NR3C2: variants seen among roughly 807,000 people sequenced by gnomAD.
NR3C2 encodes nuclear receptor subfamily 3 group C member 2, also known as mineralocorticoid receptor.
In NR3C2, 15 loss-of-function variants were observed where a neutral mutation model predicts 86.4. That is an observed-to-expected ratio of 0.17 (90% CI 0.12 to 0.27). The LOEUF (loss-of-function observed/expected upper bound fraction) is 0.27, where lower values mean the gene tolerates loss of function less well. Ranked by LOEUF, NR3C2 falls within the 10% of genes least tolerant of loss-of-function variation. The pLI is 1.00. For missense variants in NR3C2, 960 were observed against 1,195.6 expected, an observed-to-expected ratio of 0.80 and a Z score of 2.91; for synonymous variants, 458 against 450.5, an observed-to-expected ratio of 1.02 and a Z score of -0.21.
chr4:148,158,249 G>A (rs1734493621), intron 4 of NR3C2, among the ~76,000 whole-genome samples: 1 of 152,094 alleles, frequency 6.6e-6, no homozygotes, highest in Admixed American at 6.6e-5. Context: ...TCAAAAACTA[G>A]ACAAAACAGA....
At chr4:148,205,854 C>A (rs891094095) in intron 3 of NR3C2, among the ~76,000 whole-genome samples, 5 of 152,102 alleles carry the variant, frequency 3.3e-5, no homozygotes, top group Non-Finnish European at 7.4e-5. Flanking sequence ...ATTAGAAAGT[C>A]TTCCTACCCA....
rs1300973826 is a variant in NR3C2 at position 148,078,941 on chromosome 4, T to C, written c.*2403A>G. On this transcript the variant is annotated 3_prime_UTR_variant, in exon 9 of 9. Transcript: ENST00000358102. ...ACCAAGATTTTTAAGAGCAATATGG[T>C]ACAAAAATAAGAGCAGACAGACAAT... 1 of 152,612 alleles carries C rather than the reference T, an allele frequency of 6.6e-6. No individual in the cohort carries two copies. Among genetic ancestry groups the C allele is most frequent in the Non-Finnish European group, 1.5e-5 (1 of 68,036 alleles). The allele number at this position is 152,612 out of a possible 1,614,324, so 9.5% of individuals were successfully genotyped here.
chr4:148,270,999 C>T (rs1740652540), intron 2 of NR3C2, among the ~76,000 whole-genome samples: 2 of 152,158 alleles, frequency 1.3e-5, no homozygotes, highest in Admixed American at 1.3e-4. Context: ...TATAGGATAG[C>T]ATTTCCAATT....
intron 8 of NR3C2, among the ~76,000 whole-genome samples, chr4:148,113,522 A>T (rs1732136116): frequency 6.6e-6 from 1 of 152,206 alleles, no homozygotes; most frequent in African/African-American, 2.4e-5. Context: ...TTTGAAAAAA[A>T]AAAAATTCCT....
Position 148,081,023 on chromosome 4 carries a change from A to ATAGT in NR3C2, c.*317_*320dup, listed in dbSNP as rs1730528910. 2 of 392,656 alleles carry ATAGT rather than the reference A, an allele frequency of 5.1e-6. No homozygotes were observed. Among genetic ancestry groups the ATAGT allele is most frequent in the Admixed American group, 7.3e-5 (2 of 27,374 alleles). 24.3% of individuals were successfully genotyped at this position (392,656 alleles called of 1,614,324 possible). ...CGAACGATACCAGAAACTACACGGC[A>ATAGT]TAGTTAAAACTTCTTCCATCTGTGA... On this transcript the variant is annotated 3_prime_UTR_variant, in exon 9 of 9. Coordinates refer to ENST00000358102, the MANE Select transcript of NR3C2 (RefSeq NM_000901.5).
intron 8 of NR3C2, among the ~76,000 whole-genome samples, chr4:148,108,576 C>T (rs1731909059): frequency 6.6e-6 from 1 of 152,176 alleles, no homozygotes; most frequent in Admixed American, 6.5e-5. Context: ...ACGTCAGCTT[C>T]TAGCATGGCC....
At chr4:148,228,909 C>A (rs1330413999) in intron 3 of NR3C2, among the ~76,000 whole-genome samples, 1 of 152,060 alleles carries the variant, frequency 6.6e-6, no homozygotes, top group Non-Finnish European at 1.5e-5. Flanking sequence ...GGCAAACTAT[C>A]CGCAGGAAAG....
At position 148,329,665 on chromosome 4, in the gene NR3C2, A is replaced by T. The variant is rs146373384; in HGVS notation, c.1758-69548T>A. Among the ~76,000 whole-genome samples the T allele has an allele frequency of 3.9e-5, 6 of 152,334 alleles. 1 individual carries two copies. In the East Asian group the frequency reaches 1.2e-3, roughly 29 times the overall value. On this transcript the variant is annotated intron_variant, in intron 2 of 8. Coordinates refer to ENST00000358102, the MANE Select transcript of NR3C2 (RefSeq NM_000901.5). ...CATTCACATACAACAGCTTCATGCA[A>T]CTCCTGCAAAAACTTTAAGTTATTA...
chr4:148,326,953 T>C (rs1450540974), intron 2 of NR3C2, among the ~76,000 whole-genome samples: 1 of 152,164 alleles, frequency 6.6e-6, no homozygotes, highest in African/African-American at 2.4e-5. Context: ...TTTAAAAACA[T>C]AATTTTAAAA....
At chr4:148,369,235 C>T (rs1486144932) in intron 2 of NR3C2, among the ~76,000 whole-genome samples, 7 of 152,214 alleles carry the variant, frequency 4.6e-5, no homozygotes, top group Non-Finnish European at 7.4e-5. Context: ...ATTGCATTAG[C>T]GATTTTTTAT....
At chr4:148,146,771 C>T (rs527308425) in intron 6 of NR3C2, 1 of 152,302 alleles carries the variant, frequency 6.6e-6, no homozygotes, top group African/African-American at 2.4e-5. Flanking sequence ...TGAACCAAAA[C>T]AATCCAAAGT....
intron 4 of NR3C2, among the ~76,000 whole-genome samples, chr4:148,157,627 TA>T (rs1408695459): frequency 6.6e-6 from 1 of 150,784 alleles, no homozygotes; most frequent in Non-Finnish European, 1.5e-5. Flanking sequence ...AGAGAACAAT[TA>T]AAAAAAAAGT....
chr4:148,340,575 A>C (rs1361342425), intron 2 of NR3C2, among the ~76,000 whole-genome samples: 2 of 152,154 alleles, frequency 1.3e-5, no homozygotes, highest in Non-Finnish European at 2.9e-5. Context: ...ACTGGCCTAG[A>C]CAAAGATTTG....
chr4:148,407,368 T>C (rs183082260), intron 2 of NR3C2, among the ~76,000 whole-genome samples: 1 of 152,304 alleles, frequency 6.6e-6, no homozygotes, highest in South Asian at 2.1e-4. Flanking sequence ...TCAGAGTCAA[T>C]GGCCGTAAGT....
At position 148,240,472 on chromosome 4, in the gene NR3C2, A is replaced by G. The variant is rs547720127; in HGVS notation, c.1897+19506T>C. Among the ~76,000 whole-genome samples, 121 of 152,126 alleles carry G rather than the reference A, an allele frequency of 8.0e-4. No individual in the cohort carries two copies. The Middle Eastern group carries it at 0.017, about 21-fold the overall frequency. ...TTATATCATAAGGCCATCAGAATACATAGACATTTTTCTTGTAGCAAAAGC... is the reference window on the plus strand; with the variant it reads ...TTATATCATAAGGCCATCAGAATACGTAGACATTTTTCTTGTAGCAAAAGC... On this transcript the variant is annotated intron_variant, in intron 3 of 8. Coordinates refer to ENST00000358102, the MANE Select transcript of NR3C2 (RefSeq NM_000901.5).
At chr4:148,344,493 G>A (rs1043024811) in intron 2 of NR3C2, among the ~76,000 whole-genome samples, 3 of 152,052 alleles carry the variant, frequency 2.0e-5, no homozygotes, top group Non-Finnish European at 4.4e-5. Flanking sequence ...TACCAATATG[G>A]TCCTCAAAGT....
chr4:148,336,761 T>C (rs1336000846), intron 2 of NR3C2, among the ~76,000 whole-genome samples: 1 of 152,176 alleles, frequency 6.6e-6, no homozygotes, highest in Non-Finnish European at 1.5e-5. Flanking sequence ...ATTAAAATGA[T>C]ATAAAAACAT....
intron 2 of NR3C2, among the ~76,000 whole-genome samples, chr4:148,425,580 A>G (rs965887449): frequency 5.9e-5 from 9 of 152,206 alleles, no homozygotes; most frequent in African/African-American, 2.2e-4. Flanking sequence ...AACCACAGAA[A>G]GGTCAGTGTG....
intron 2 of NR3C2, among the ~76,000 whole-genome samples, chr4:148,404,199 C>A (rs974426614): frequency 6.6e-6 from 1 of 152,062 alleles, no homozygotes. Context: ...AGGCCTGGCA[C>A]ACCTGCATAA....
Sources: allele counts gnomAD v4.1 joint callset (sites outside exome capture counted in the v4.1 genomes callset), GRCh38; gene constraint gnomAD v4.1.1; transcripts MANE v1.5; gene names NCBI Gene and HGNC (gene_info 2026-07-23, HGNC 2026-07-21).